The following SLC4A4 variants were observed in gnomAD, a reference collection of about 807,000 sequenced individuals.
The protein encoded by SLC4A4 is solute carrier family 4 member 4, also known as electrogenic sodium bicarbonate cotransporter 1.
Under a neutral mutation model 111.5 loss-of-function variants are expected in SLC4A4, and 27 were observed. The observed-to-expected ratio is 0.24, with a 90% CI of 0.18 to 0.33. SLC4A4 has a LOEUF of 0.33. SLC4A4 is among the 10% of genes least tolerant of loss of function. The pLI is 1.00. For missense variants in SLC4A4, 909 were observed against 1,315.5 expected, an observed-to-expected ratio of 0.69 and a Z score of 4.78; for synonymous variants, 443 against 463.4, an observed-to-expected ratio of 0.96 and a Z score of 0.57.
intron 18 of SLC4A4, among the ~76,000 whole-genome samples, chr4:71,541,026 C>T (rs1365885832): frequency 6.6e-6 from 1 of 152,050 alleles, no homozygotes; most frequent in African/African-American, 2.4e-5. Flanking sequence ...GCATTGTAGG[C>T]TGTTTATCAG....
intron 3 of SLC4A4, among the ~76,000 whole-genome samples, chr4:71,333,470 A>G (rs1219971329): frequency 6.6e-6 from 1 of 152,152 alleles, no homozygotes; most frequent in East Asian, 1.9e-4. Context: ...CTGGGATTAT[A>G]CTGGGTCAGA....
chr4:71,534,343 A>G lies in SLC4A4; in HGVS notation c.2397A>G (p.Gln799=), dbSNP rs781184873. Residue 799 remains glutamine, a synonymous_variant, in exon 18 of 26, where the codon CAA becomes CAG. Coordinates refer to ENST00000264485, the MANE Select transcript of SLC4A4 (RefSeq NM_001098484.3). ...TCACTATACTGATTTTCATGGACCA[A>G]CAAATTACAGCTGTGATTGTAAACA... is the stretch of plus-strand genomic sequence containing the variant. ...LLVTILIFMD[Q]QITAVIVNRK... is the part of the protein sequence containing the mutation. 1 of 1,613,734 alleles carries G rather than the reference A, an allele frequency of 6.2e-7. No homozygotes were observed. Among genetic ancestry groups the G allele is most frequent in the Non-Finnish European group, 8.5e-7 (1 of 1,179,770 alleles).
At chr4:71,134,511 A>G (rs1307982016) in intron 2 of SLC4A4, among the ~76,000 whole-genome samples, 1 of 152,152 alleles carries the variant, frequency 6.6e-6, no homozygotes, top group Non-Finnish European at 1.5e-5. Context: ...TCATTCTGGG[A>G]CTCAAATCTT....
chr4:71,411,025 G>A (rs564261998), intron 7 of SLC4A4, among the ~76,000 whole-genome samples: 1 of 152,206 alleles, frequency 6.6e-6, no homozygotes, highest in Admixed American at 6.5e-5. Flanking sequence ...TGCTGAAAGA[G>A]TGTACAGAAA....
chr4:71,083,672 T>A (rs1159833639), intron 1 of SLC4A4, among the ~76,000 whole-genome samples: 1 of 151,918 alleles, frequency 6.6e-6, no homozygotes, highest in Admixed American at 6.6e-5. Flanking sequence ...GGAGATGCTG[T>A]GCCTGGGACA....
At chr4:71,098,784 T>C (rs1742632884) in intron 2 of SLC4A4, among the ~76,000 whole-genome samples, 1 of 151,696 alleles carries the variant, frequency 6.6e-6, no homozygotes, top group South Asian at 2.1e-4. Flanking sequence ...ACCAAGCAAA[T>C]CAAAATCAGA....
At chr4:71,209,758 G>T (rs559825749) in intron 1 of SLC4A4, among the ~76,000 whole-genome samples, 2 of 152,070 alleles carry the variant, frequency 1.3e-5, no homozygotes, top group African/African-American at 4.8e-5. Flanking sequence ...AGGTTTTAAA[G>T]GTAGCTGACT....
intron 1 of SLC4A4, among the ~76,000 whole-genome samples, chr4:71,230,935 G>T (rs1473238217): frequency 6.6e-6 from 1 of 152,238 alleles, no homozygotes; most frequent in Non-Finnish European, 1.5e-5. Flanking sequence ...AGGGAAACAG[G>T]TGGCTTCACG....
chr4:71,114,159 T>C (rs1004164886), intron 2 of SLC4A4, among the ~76,000 whole-genome samples: 3 of 152,062 alleles, frequency 2.0e-5, no homozygotes, highest in Non-Finnish European at 2.9e-5. Flanking sequence ...AGGAGGAGAA[T>C]GGCATGAACC....
chr4:71,527,696 T>TA (rs201680509), intron 16 of SLC4A4, among the ~76,000 whole-genome samples: 25,484 of 146,288 alleles, frequency 0.17, 2,291 homozygotes, highest in East Asian at 0.4. Flanking sequence ...TCCTCTTTAT[T>TA]AAAAAAAAAA....
intron 3 of SLC4A4, among the ~76,000 whole-genome samples, chr4:71,322,810 T>C (rs1049698922): frequency 3.3e-5 from 5 of 152,016 alleles, no homozygotes; most frequent in Non-Finnish European, 7.4e-5. Flanking sequence ...CTTTACCATT[T>C]CAATTAATAA....
rs35885184 is a variant in SLC4A4 at position 71,084,173 on chromosome 4, A to C, written c.-64-8557A>C. ...TTGATGTGTTGAGGATTCGATATTAATTCAAGGGAATTGTTCAATATCTTA... is the reference window on the plus strand; with the variant it reads ...TTGATGTGTTGAGGATTCGATATTACTTCAAGGGAATTGTTCAATATCTTA... On this transcript the variant is annotated intron_variant, in intron 1 of 26. Coordinates refer to the SLC4A4 transcript ENST00000649996. Among the ~76,000 whole-genome samples the C allele has an allele frequency of 2.0e-3, 310 of 152,158 alleles. 2 individuals are homozygous for C. Among genetic ancestry groups the C allele is most frequent in the Non-Finnish European group, 3.7e-3 (250 of 68,028 alleles).
chr4:71,447,087 C>G (rs185727964), intron 8 of SLC4A4, among the ~76,000 whole-genome samples: 1 of 152,230 alleles, frequency 6.6e-6, no homozygotes, highest in Non-Finnish European at 1.5e-5. Context: ...TTGAATTTCT[C>G]TCATATTTCT....
At chr4:71,393,336 T>A (rs1292275015) in intron 6 of SLC4A4, among the ~76,000 whole-genome samples, 1 of 152,168 alleles carries the variant, frequency 6.6e-6, no homozygotes, top group Non-Finnish European at 1.5e-5. Context: ...ACAAGATTAA[T>A]GTACACAAAT....
chr4:71,525,107 T>C (rs1377987667), intron 16 of SLC4A4, among the ~76,000 whole-genome samples: 5 of 152,188 alleles, frequency 3.3e-5, no homozygotes, highest in Admixed American at 3.3e-4. Flanking sequence ...CAATAATTAA[T>C]ACAGTATCAT....
intron 2 of SLC4A4, among the ~76,000 whole-genome samples, chr4:71,168,820 T>C (rs1056070986): frequency 2.6e-5 from 4 of 152,196 alleles, no homozygotes; most frequent in African/African-American, 9.6e-5. Flanking sequence ...AGTACTCCAC[T>C]GTGTATATGT....
intron 15 of SLC4A4, among the ~76,000 whole-genome samples, chr4:71,490,247 A>G (rs1450756385): frequency 1.3e-5 from 2 of 151,852 alleles, no homozygotes; most frequent in East Asian, 3.9e-4. Flanking sequence ...AGAGTGTGAG[A>G]CACCAGATTT....
intron 7 of SLC4A4, among the ~76,000 whole-genome samples, chr4:71,398,926 C>T (rs1000470588): frequency 1.3e-5 from 2 of 152,134 alleles, no homozygotes; most frequent in African/African-American, 4.8e-5. Flanking sequence ...CCTCCATATC[C>T]GTGGTTTCAT....
chr4:71,342,819 G>T (rs1343303893), intron 4 of SLC4A4, among the ~76,000 whole-genome samples: 1 of 152,126 alleles, frequency 6.6e-6, no homozygotes, highest in Non-Finnish European at 1.5e-5. Context: ...AGATTAAGAT[G>T]GTTTTGAATA....
Sources: allele counts gnomAD v4.1 joint callset (sites outside exome capture counted in the v4.1 genomes callset), GRCh38; gene constraint gnomAD v4.1.1; transcripts MANE v1.5; gene names NCBI Gene and HGNC (gene_info 2026-07-23, HGNC 2026-07-21).